Variants in ESR1 observed in about 807,000 individuals in gnomAD.
The protein encoded by ESR1 is estrogen receptor 1, also known as estrogen receptor.
ESR1 carries 12 observed loss-of-function variants against 52.7 expected under a neutral mutation model. That is an observed-to-expected ratio of 0.23 (90% CI 0.15 to 0.37). ESR1 has a LOEUF of 0.37. Among genes scored for constraint, ESR1 ranks in the 10% least tolerant of loss-of-function variants. ESR1 has a pLI of 1.00. For synonymous variants in ESR1, 305 were observed against 316.8 expected (o/e 0.96, Z 0.39); for missense variants, 584 against 779.7 (o/e 0.75, Z 2.99).
At chr6:152,041,775 C>G (rs568167958) in intron 5 of ESR1, among the ~76,000 whole-genome samples, 13 of 152,302 alleles carry the variant, frequency 8.5e-5, no homozygotes, top group Admixed American at 3.3e-4. Context: ...TGAGGTAGGA[C>G]AGTAAAGGTA....
intron 3 of ESR1, among the ~76,000 whole-genome samples, chr6:151,886,320 T>G (rs1193319534): frequency 6.6e-6 from 1 of 152,194 alleles, no homozygotes; most frequent in Non-Finnish European, 1.5e-5. Flanking sequence ...GTGAGGAAAT[T>G]GGCACATAGA....
At chr6:151,987,051 C>A (rs1017110317) in intron 4 of ESR1, among the ~76,000 whole-genome samples, 1 of 151,964 alleles carries the variant, frequency 6.6e-6, no homozygotes, top group Non-Finnish European at 1.5e-5. Flanking sequence ...TACTCTGAGA[C>A]CTTGGTCTTT....
At chr6:151,804,065 T>A (rs759450171), upstream of ESR1, among the ~76,000 whole-genome samples, 40 of 144,720 alleles carry the variant, frequency 2.8e-4, no homozygotes, top group Non-Finnish European at 5.0e-4. Flanking sequence ...CAGGAGAGGG[T>A]AGGGAGGGAA....
chr6:151,937,002 G>A (rs1248602774), intron 3 of ESR1, among the ~76,000 whole-genome samples: 1 of 152,174 alleles, frequency 6.6e-6, no homozygotes, highest in Non-Finnish European at 1.5e-5. Context: ...CATAGAAAAA[G>A]AACAAGGTGG....
At chr6:151,817,261 C>A (rs920111111) in intron 1 of ESR1, among the ~76,000 whole-genome samples, 7 of 152,210 alleles carry the variant, frequency 4.6e-5, no homozygotes, top group Admixed American at 4.6e-4. Flanking sequence ...AAGCTTGAAT[C>A]AGTAGTTAAG....
intron 4 of ESR1, among the ~76,000 whole-genome samples, chr6:151,990,319 A>T (rs1249193470): frequency 6.6e-6 from 1 of 152,034 alleles, no homozygotes; most frequent in African/African-American, 2.4e-5. Context: ...GAGTAGTGTT[A>T]GCTACCCTAC....
intron 2 of ESR1, among the ~76,000 whole-genome samples, chr6:151,735,985 T>C (rs1025452010): frequency 6.6e-6 from 1 of 152,196 alleles, no homozygotes; most frequent in African/African-American, 2.4e-5. Flanking sequence ...GACATGCCTC[T>C]TCCCCTTCTG....
chr6:151,694,992 A>G (rs1235295520), intron 1 of ESR1, among the ~76,000 whole-genome samples: 4 of 152,168 alleles, frequency 2.6e-5, no homozygotes, highest in African/African-American at 9.6e-5. Flanking sequence ...TCCGCCTCCC[A>G]GCCATGTGGC....
chr6:151,988,715 T>C (rs532466708), intron 4 of ESR1, among the ~76,000 whole-genome samples: 7 of 152,228 alleles, frequency 4.6e-5, no homozygotes, highest in African/African-American at 1.7e-4. Context: ...GCACGTGTAC[T>C]CCAGAGCTTA....
intron 2 of ESR1, among the ~76,000 whole-genome samples, chr6:151,845,978 AC>A (rs1238120097): frequency 6.6e-6 from 1 of 152,150 alleles, no homozygotes; most frequent in East Asian, 1.9e-4. Context: ...AGACTGATAA[AC>A]CAGCAATTAG....
chr6:151,695,185 T>C (rs1466596741), intron 1 of ESR1, among the ~76,000 whole-genome samples: 1 of 152,226 alleles, frequency 6.6e-6, no homozygotes, highest in Non-Finnish European at 1.5e-5. Context: ...GTTGAATGCA[T>C]ACCTGGAGCT....
intron 2 of ESR1, among the ~76,000 whole-genome samples, chr6:151,876,183 T>C (rs373924862): frequency 7.2e-5 from 11 of 152,166 alleles, no homozygotes; most frequent in African/African-American, 2.4e-4. Flanking sequence ...TCTAGAATAA[T>C]GCCCATGTTT....
chr6:151,685,961 C>T (rs747538181), upstream of ESR1, among the ~76,000 whole-genome samples: 7 of 152,036 alleles, frequency 4.6e-5, no homozygotes, highest in South Asian at 2.1e-4. Context: ...AAAAGTGCAG[C>T]GGCACGAACG....
chr6:151,665,473 CA>C (rs1283827613), intron 1 of ESR1, among the ~76,000 whole-genome samples: 2 of 152,166 alleles, frequency 1.3e-5, no homozygotes, highest in Non-Finnish European at 2.9e-5. Context: ...CCCAGAACTC[CA>C]AAGCTGGAAG....
intron 2 of ESR1, among the ~76,000 whole-genome samples, chr6:151,736,300 T>C (rs958576099): frequency 4.6e-5 from 7 of 151,836 alleles, no homozygotes; most frequent in African/African-American, 1.7e-4. Flanking sequence ...GATCATAAAC[T>C]TGAGTTTTAA....
chr6:151,962,809 T>A (rs1653629827), intron 4 of ESR1, among the ~76,000 whole-genome samples: 1 of 152,224 alleles, frequency 6.6e-6, no homozygotes. Flanking sequence ...GACTATTTTT[T>A]AAGATTTCTT....
intron 1 of ESR1, among the ~76,000 whole-genome samples, chr6:151,823,582 C>A (rs1381118086): frequency 6.6e-6 from 1 of 152,014 alleles, no homozygotes; most frequent in African/African-American, 2.4e-5. Context: ...TTAACTCATC[C>A]TTTACATTAG....
At chr6:152,077,455 G>T (rs1419184597) in intron 6 of ESR1, among the ~76,000 whole-genome samples, 1 of 152,208 alleles carries the variant, frequency 6.6e-6, no homozygotes, top group East Asian at 1.9e-4. Context: ...TCCCCACTGG[G>T]GCACTGCCTA....
intron 5 of ESR1, among the ~76,000 whole-genome samples, chr6:152,047,307 G>A (rs1485982860): frequency 6.6e-6 from 1 of 152,132 alleles, no homozygotes; most frequent in East Asian, 1.9e-4. Flanking sequence ...AATTCTAACT[G>A]AGTGAATGAC....
Sources: gnomAD v4.1 joint callset for allele counts (sites outside exome capture counted in the v4.1 genomes callset) on GRCh38, gnomAD v4.1.1 for gene constraint, MANE v1.5 for transcripts, NCBI Gene and HGNC (gene_info 2026-07-23, HGNC 2026-07-21) for gene names.